Variants in UNC5D observed in about 807,000 individuals in gnomAD.
UNC5D encodes the protein unc-5 netrin receptor D.
UNC5D carries 39 observed loss-of-function variants against 105.4 expected under a neutral mutation model. The ratio of observed to expected loss-of-function variants is 0.37; its 90% CI spans 0.29 to 0.48. UNC5D has a LOEUF of 0.48. Among genes scored for constraint, UNC5D ranks in the 20% least tolerant of loss-of-function variants. The pLI is 0.98. For synonymous variants in UNC5D, 452 were observed against 450.4 expected, an observed-to-expected ratio of 1.00 and a Z score of -0.04; for missense variants, 991 against 1,202.4, an observed-to-expected ratio of 0.82 and a Z score of 2.60.
intron 1 of UNC5D, among the ~76,000 whole-genome samples, chr8:35,479,555 T>C (rs572057757): frequency 6.6e-6 from 1 of 152,026 alleles, no homozygotes; most frequent in Non-Finnish European, 1.5e-5. Flanking sequence ...CCATCAACAG[T>C]AAACTGGATA....
At chr8:35,372,213 C>T (rs1802463484) in intron 1 of UNC5D, among the ~76,000 whole-genome samples, 2 of 152,160 alleles carry the variant, frequency 1.3e-5, no homozygotes, top group Admixed American at 1.3e-4. Context: ...AACCTTCACC[C>T]ACTGGGGTCA....
chr8:35,335,356 T>C (rs1469973890), intron 1 of UNC5D, among the ~76,000 whole-genome samples: 1 of 152,194 alleles, frequency 6.6e-6, no homozygotes, highest in Non-Finnish European at 1.5e-5. Context: ...TAAATTTCTG[T>C]TCTATCTACT....
At chr8:35,721,413 A>G in intron 8 of UNC5D, 1 of 702,856 alleles carries the variant, frequency 1.4e-6, no homozygotes, top group Non-Finnish European at 2.6e-6. Context: ...TTCTAAATTC[A>G]AACTAACGCT....
At chr8:35,337,597 A>G (rs1811140998) in intron 1 of UNC5D, among the ~76,000 whole-genome samples, 1 of 152,190 alleles carries the variant, frequency 6.6e-6, no homozygotes, top group African/African-American at 2.4e-5. Flanking sequence ...TCTTCTTAGC[A>G]TTCTACTGTG....
intron 1 of UNC5D, among the ~76,000 whole-genome samples, chr8:35,423,421 A>G (rs868813196): frequency 2.6e-5 from 4 of 152,304 alleles, no homozygotes; most frequent in South Asian, 2.1e-4. Flanking sequence ...ACCTCAGGTT[A>G]TAATAGATTG....
intron 1 of UNC5D, among the ~76,000 whole-genome samples, chr8:35,410,502 T>C (rs73672233): frequency 0.015 from 2,258 of 152,132 alleles, 37 homozygotes; most frequent in African/African-American, 0.051. Flanking sequence ...CTCATTTAAG[T>C]TTGAGTGAGA....
chr8:35,577,272 G>A (rs889645150), intron 3 of UNC5D, among the ~76,000 whole-genome samples: 3 of 152,144 alleles, frequency 2.0e-5, no homozygotes, highest in Admixed American at 1.3e-4. Flanking sequence ...ATGCAATAAT[G>A]TCCTTTAATA....
At chr8:35,501,228 G>C (rs1161272712) in intron 1 of UNC5D, among the ~76,000 whole-genome samples, 3 of 152,228 alleles carry the variant, frequency 2.0e-5, no homozygotes, top group Non-Finnish European at 4.4e-5. Context: ...AAGGCTTAGT[G>C]TCAGAAAAAA....
intron 1 of UNC5D, among the ~76,000 whole-genome samples, chr8:35,296,614 T>A (rs1206786470): frequency 6.6e-6 from 1 of 152,024 alleles, no homozygotes. Context: ...CAGATGGGGG[T>A]CTCACCATGT....
intron 1 of UNC5D, among the ~76,000 whole-genome samples, chr8:35,335,050 G>A (rs1287923801): frequency 6.6e-6 from 1 of 152,094 alleles, no homozygotes; most frequent in Non-Finnish European, 1.5e-5. Context: ...TAATATATGT[G>A]CTCTTCTTTT....
intron 8 of UNC5D, among the ~76,000 whole-genome samples, chr8:35,721,989 A>G (rs756041006): frequency 6.6e-6 from 1 of 152,248 alleles, no homozygotes; most frequent in Non-Finnish European, 1.5e-5. Context: ...AGCTACCTTA[A>G]TGCAGTTAAG....
chr8:35,751,750 A>G (rs1830290493), intron 13 of UNC5D, among the ~76,000 whole-genome samples: 1 of 152,202 alleles, frequency 6.6e-6, no homozygotes, highest in African/African-American at 2.4e-5. Context: ...AAGAAGAGAG[A>G]AGGGCTAAAC....
intron 1 of UNC5D, among the ~76,000 whole-genome samples, chr8:35,393,550 G>C (rs772727888): frequency 8.3e-4 from 127 of 152,104 alleles, no homozygotes; most frequent in Non-Finnish European, 1.0e-3. Context: ...CTGTCATGTA[G>C]ATCATTCTCA....
At chr8:35,676,046 G>T (rs1825193354) in intron 4 of UNC5D, among the ~76,000 whole-genome samples, 1 of 151,956 alleles carries the variant, frequency 6.6e-6, no homozygotes. Context: ...TCCAGTGGAG[G>T]CTCCCTCTCC....
At chr8:35,545,350 A>T (rs1815577754) in intron 1 of UNC5D, among the ~76,000 whole-genome samples, 3 of 152,158 alleles carry the variant, frequency 2.0e-5, no homozygotes, top group Admixed American at 2.0e-4. Flanking sequence ...GAAAGAATTG[A>T]CAGTTTCCTG....
At chr8:35,748,717 T>C (rs1830120924) in intron 12 of UNC5D, 22 bp downstream of exon 12, 1 of 1,607,536 alleles carries the variant, frequency 6.2e-7, no homozygotes, top group South Asian at 1.1e-5. Context: ...TACTTCCTTT[T>C]TTAAACAGTG....
At chr8:35,735,403 G>A (rs559259591) in intron 11 of UNC5D, among the ~76,000 whole-genome samples, 26 of 152,286 alleles carry the variant, frequency 1.7e-4, no homozygotes, top group African/African-American at 6.0e-4. Flanking sequence ...GACTAAAATT[G>A]GAAATGTTGT....
chr8:35,603,891 G>A (rs1034104478), intron 4 of UNC5D, among the ~76,000 whole-genome samples: 1 of 151,808 alleles, frequency 6.6e-6, no homozygotes, highest in Non-Finnish European at 1.5e-5. Context: ...TTTTCCATTT[G>A]CTTGGTAGAT....
In UNC5D at chr8:35,792,534, G is replaced by A. The variant is rs544778660; in HGVS notation, c.*1971G>A. On this transcript the variant is annotated 3_prime_UTR_variant, in exon 17 of 17. Coordinates refer to ENST00000404895, the MANE Select transcript of UNC5D (RefSeq NM_080872.4). ...TGCTTAACTTATTTATTTCTTCTAG[G>A]AAACAATAGATAAACAGCATGAAAA... The A allele has an allele frequency of 6.5e-6, 1 of 154,634 alleles. No homozygotes were observed. Among genetic ancestry groups the A allele is most frequent in the South Asian group, 2.0e-4 (1 of 4,956 alleles). The allele number at this position is 154,634 out of a possible 1,614,324, so 9.6% of individuals were successfully genotyped here.
Sources: gnomAD v4.1 joint callset for allele counts (sites outside exome capture counted in the v4.1 genomes callset) on GRCh38, gnomAD v4.1.1 for gene constraint, MANE v1.5 for transcripts, NCBI Gene and HGNC (gene_info 2026-07-23, HGNC 2026-07-21) for gene names.